Variants in NECAB3 observed in about 807,000 individuals in gnomAD.
NECAB3 encodes N-terminal EF-hand calcium-binding protein 3.
In NECAB3, 38 loss-of-function variants were observed where a neutral mutation model predicts 57.2. The observed-to-expected ratio is 0.66, with a 90% CI of 0.51 to 0.87. NECAB3 has a LOEUF of 0.87. Among genes scored for constraint, NECAB3 ranks in the 40% least tolerant of loss-of-function variants. NECAB3 has a pLI of 0.00. For missense variants in NECAB3, 474 were observed against 527.5 expected, an observed-to-expected ratio of 0.90 and a Z score of 0.99; for synonymous variants, 223 against 222.6, an observed-to-expected ratio of 1.00 and a Z score of -0.02.
chr20:33,657,982 G>A lies in NECAB3; in HGVS notation c.1122C>T (p.His374=). 1.3e-6 allele frequency: 2 copies of A among 1,557,180 alleles called. No individual in the cohort carries two copies. The highest frequency in any genetic ancestry group is 1.7e-6 in the Non-Finnish European group (2 of 1,150,274). Reference sequence around the variant, plus strand: ...TGGTGAGGGTGTCCGGGGCCCGCAGGTGGTCGATGAGGATGCGCTGGAAGG... The same window carrying A: ...TGGTGAGGGTGTCCGGGGCCCGCAGATGGTCGATGAGGATGCGCTGGAAGG... The part of the protein sequence containing the change: ...SKAFQRILID[H]LRAPDTLTTV... Residue 374 remains histidine, a synonymous_variant, in exon 11 of 12, where the codon CAC becomes CAT. Transcript: ENST00000246190.
At position 33,659,998 on chromosome 20, in the gene NECAB3, T is replaced by C. The variant is rs571694751; in HGVS notation, c.530A>G (p.Asp177Gly). 58 of 1,575,888 alleles carry C rather than the reference T, an allele frequency of 3.7e-5. No homozygotes were observed. In the African/African-American group the frequency reaches 6.2e-4, roughly 17 times the overall value. ...GCTCTGCGCCTCCACGCTCTCTGCATCTGACCTAGAGGAAGTGAGGCTCAC... is the reference window on the plus strand; with the variant it reads ...GCTCTGCGCCTCCACGCTCTCTGCACCTGACCTAGAGGAAGTGAGGCTCAC... ...LEAQAHGWRSDAESVEAQSRL... is the reference protein window; with the variant it reads ...LEAQAHGWRSGAESVEAQSRL... Residue 177 changes from aspartate to glycine, a missense_variant, in exon 7 of 12, where the codon GAT becomes GGT. Transcript: ENST00000246190.
intron 5 of NECAB3, among the ~76,000 whole-genome samples, chr20:33,661,392 G>A (rs2017470848): frequency 1.3e-5 from 2 of 152,170 alleles, no homozygotes; most frequent in Admixed American, 1.3e-4. Context: ...ATCCATCAGA[G>A]ACTTCATCTC....
Position 33,662,619 on chromosome 20 carries a change from G to C in NECAB3, c.388-2224C>G, listed in dbSNP as rs1298600995. 4.3e-6 allele frequency: 4 copies of C among 939,188 alleles called. No homozygotes were observed. In the South Asian group the frequency reaches 6.8e-5, roughly 16 times the overall value. The allele number at this position is 939,188 out of a possible 1,614,324, so 58.2% of individuals were successfully genotyped here. ...GGAGGAATTCGAAAATCTCTCCCAA[G>C]GATGAGGATCCCAGGAGCCCATATG... is the stretch of plus-strand genomic sequence containing the variant. On this transcript the variant is annotated intron_variant, in intron 5 of 11. Coordinates refer to ENST00000246190, the MANE Select transcript of NECAB3 (RefSeq NM_031232.4).
intron 8 of NECAB3, 63 bp downstream of exon 8, chr20:33,659,434 T>C: frequency 7.3e-7 from 1 of 1,366,986 alleles, no homozygotes; most frequent in South Asian, 1.6e-5. Flanking sequence ...GCCCCATGAA[T>C]CCCCAATTCA....
At chr20:33,662,120 A>G (rs1469239364) in intron 5 of NECAB3, 1 of 519,896 alleles carries the variant, frequency 1.9e-6, no homozygotes, top group African/African-American at 1.9e-5. Flanking sequence ...ACCACTAAGC[A>G]CCTTACATGC....
At chr20:33,667,427 T>A (rs3746459) in intron 5 of NECAB3, 1 of 1,408,048 alleles carries the variant, frequency 7.1e-7, no homozygotes, top group Admixed American at 3.1e-5. Flanking sequence ...GACTCGCCGT[T>A]GGCGCCGCCC....
rs1198755305 is a variant in NECAB3 at position 33,674,376 on chromosome 20, G to C, written c.-24C>G. 4.3e-6 allele frequency: 5 copies of C among 1,162,100 alleles called. No individual in the cohort carries two copies. In the African/African-American group the frequency reaches 4.9e-5, roughly 11 times the overall value. 72.0% of individuals were successfully genotyped at this position (1,162,100 alleles called of 1,614,324 possible). ...ATGGCGCCGCCACCCGCTCGGGCTC[G>C]GCTGCGGTTGCTGCCGACCCTGGAC... On this transcript the variant is annotated 5_prime_UTR_variant, in exon 1 of 12. Transcript: ENST00000246190.
At chr20:33,668,190 G>A (rs1185684547) in intron 5 of NECAB3, 1 of 1,609,010 alleles carries the variant, frequency 6.2e-7, no homozygotes, top group East Asian at 2.2e-5. Context: ...CTCGGGCCAT[G>A]TACCAGGAGT....
rs1352545170 is a variant in NECAB3, at chr20:33,660,543, C to A, written c.388-148G>T. On this transcript the variant is annotated intron_variant, in intron 5 of 11. Coordinates refer to ENST00000246190, the MANE Select transcript of NECAB3 (RefSeq NM_031232.4). This position sits in a 1 kb window ranked among gnomAD's most constrained non-coding sequence, Gnocchi z 4.1. The stretch of plus-strand genomic sequence containing the variant: ...GGCACAGGCAGGAGGGTACTGAGAC[C>A]TGATGGGCAGGGAGGGTCTGGATCC... The A allele has an allele frequency of 2.9e-5, 32 of 1,093,112 alleles. No individual in the cohort carries two copies. The highest frequency in any genetic ancestry group is 4.1e-5 in the Non-Finnish European group (32 of 774,748). 67.7% of individuals were successfully genotyped at this position (1,093,112 alleles called of 1,614,324 possible).
intron 5 of NECAB3, chr20:33,668,140 ATGGTGGCCTCCC>A: frequency 6.2e-7 from 1 of 1,611,732 alleles, no homozygotes; most frequent in Non-Finnish European, 8.5e-7. Flanking sequence ...CGGCGGCTCC[ATGGTGGCCTCCC>A]TGCACTCCTT....
chr20:33,674,547 C>T (rs2122535151), upstream of NECAB3: 1 of 416,912 alleles, frequency 2.4e-6, no homozygotes, highest in South Asian at 1.0e-4. Context: ...CTCCGCGCTT[C>T]CGCGGCCACG....
At chr20:33,663,796 G>T in intron 5 of NECAB3, 1 of 1,421,480 alleles carries the variant, frequency 7.0e-7, no homozygotes, top group Non-Finnish European at 9.1e-7. Context: ...CCCGGGGAAG[G>T]CTCCCCGCGA....
rs1254589033 is a variant in NECAB3 at position 33,657,831 on chromosome 20, AGTT to A, written c.1186_1188del (p.Asn396del). On this transcript the variant is annotated inframe_deletion, in exon 12 of 12. Transcript: ENST00000246190. ...CCCTCGGCGTGTGCAGGTCTGGCTC[AGTT>A]GTTATTCATTATCCACCAGGAGGCT... 6.5e-7 allele frequency: 1 copy of A among 1,538,642 alleles called. No homozygotes were observed. Among genetic ancestry groups the A allele is most frequent in the Non-Finnish European group, 8.8e-7 (1 of 1,139,830 alleles).
At chr20:33,669,249 G>T in intron 5 of NECAB3, 126 bp downstream of exon 5, 1 of 892,716 alleles carries the variant, frequency 1.1e-6, no homozygotes, top group Non-Finnish European at 1.7e-6. Context: ...GCTACAAAGT[G>T]GGAGCCAGGA....
At chr20:33,668,007 A>C in intron 5 of NECAB3, 2 of 1,543,708 alleles carry the variant, frequency 1.3e-6, no homozygotes, top group Non-Finnish European at 1.7e-6. Flanking sequence ...GCGGCTCCAC[A>C]CTGTTTCCTG....
At chr20:33,667,805 C>CGGCCA (rs1568900300) in intron 5 of NECAB3, 1 of 1,612,632 alleles carries the variant, frequency 6.2e-7, no homozygotes, top group African/African-American at 1.3e-5. Flanking sequence ...CGCCACCATC[C>CGGCCA]GGCCAGTTTC....
chr20:33,667,821 G>A, intron 5 of NECAB3: 1 of 1,612,172 alleles, frequency 6.2e-7, no homozygotes, highest in Non-Finnish European at 8.5e-7. Flanking sequence ...GTTTCAGCGT[G>A]GGTAACGGGT....
chr20:33,672,331 T>A, intron 2 of NECAB3, 67 bp downstream of exon 2: 5 of 1,595,720 alleles, frequency 3.1e-6, no homozygotes, highest in Non-Finnish European at 4.3e-6. Flanking sequence ...ACCTCCCAAC[T>A]CTCCCTGGGC....
At chr20:33,658,865 C>T (rs371254636) in intron 8 of NECAB3, 31 bp from the exon 9 acceptor site, 14 of 1,539,902 alleles carry the variant, frequency 9.1e-6, no homozygotes, top group African/African-American at 6.8e-5. Context: ...TCAGCTGGTG[C>T]GGGGCCGGGC....
Sources: allele counts gnomAD v4.1 joint callset (sites outside exome capture counted in the v4.1 genomes callset), GRCh38; gene constraint gnomAD v4.1.1; non-coding constraint Gnocchi (gnomAD v3.1); transcripts MANE v1.5; gene names NCBI Gene and HGNC (gene_info 2026-07-23, HGNC 2026-07-21).